Variants in CLSTN2 observed in about 807,000 individuals in gnomAD.
CLSTN2 encodes the protein calsyntenin 2.
Under a neutral mutation model 101.2 loss-of-function variants are expected in CLSTN2, and 48 were observed. That is an observed-to-expected ratio of 0.47 (90% CI 0.38 to 0.60). The LOEUF (loss-of-function observed/expected upper bound fraction) is 0.60, where lower values mean the gene tolerates loss of function less well. Among genes scored for constraint, CLSTN2 ranks in the 20% least tolerant of loss-of-function variants. The pLI is 0.00. For missense variants in CLSTN2, 1,160 were observed against 1,238.2 expected, an observed-to-expected ratio of 0.94 and a Z score of 0.95; for synonymous variants, 481 against 463.6, an observed-to-expected ratio of 1.04 and a Z score of -0.48.
intron 2 of CLSTN2, among the ~76,000 whole-genome samples, chr3:140,189,974 T>C (rs527919867): frequency 6.6e-6 from 1 of 152,280 alleles, no homozygotes; most frequent in Non-Finnish European, 1.5e-5. Context: ...AATACCAGCA[T>C]TGTTGATTTC....
chr3:140,110,330 G>A (rs2009133021), intron 1 of CLSTN2, among the ~76,000 whole-genome samples: 1 of 152,124 alleles, frequency 6.6e-6, no homozygotes, highest in African/African-American at 2.4e-5. Flanking sequence ...AAAGATCAGG[G>A]CATGAACTAC....
chr3:140,301,762 G>A (rs983999978), intron 2 of CLSTN2, among the ~76,000 whole-genome samples: 2 of 152,132 alleles, frequency 1.3e-5, no homozygotes, highest in African/African-American at 4.8e-5. Context: ...GGGAGACCAG[G>A]TACTCCTCCT....
chr3:140,247,871 C>T (rs995627113), intron 2 of CLSTN2, among the ~76,000 whole-genome samples: 2 of 152,202 alleles, frequency 1.3e-5, no homozygotes, highest in African/African-American at 4.8e-5. Flanking sequence ...TAAAGACTTT[C>T]CCTGCCTTCC....
rs1933536347 is a variant in CLSTN2, at chr3:140,460,608, T to C, written c.1222+839T>C. Among the ~76,000 whole-genome samples the C allele has an allele frequency of 3.3e-5, 5 of 152,190 alleles. No homozygotes were observed. The South Asian group carries it at 1.0e-3, about 32-fold the overall frequency. ...CATTCCTTAGAGGTTGACTAACTTG[T>C]CACAAGTAGTTATACAGACAGTATC... On this transcript the variant is annotated intron_variant, in intron 7 of 16. Transcript: ENST00000458420.
chr3:140,330,531 C>T (rs2087372738), intron 2 of CLSTN2, among the ~76,000 whole-genome samples: 1 of 152,210 alleles, frequency 6.6e-6, no homozygotes, highest in African/African-American at 2.4e-5. Context: ...CCTTTCAATG[C>T]TTCCTTGTCT....
At chr3:140,159,844 ATAT>A (rs892740902) in intron 1 of CLSTN2, among the ~76,000 whole-genome samples, 1 of 152,208 alleles carries the variant, frequency 6.6e-6, no homozygotes, top group African/African-American at 2.4e-5. Flanking sequence ...AAAAGGAACA[ATAT>A]TATATCCTTT....
At chr3:139,997,707 C>CATTTCAAATGTACATTTTCAAATAT (rs1560065496) in intron 1 of CLSTN2, among the ~76,000 whole-genome samples, 3 of 151,942 alleles carry the variant, frequency 2.0e-5, no homozygotes, top group Non-Finnish European at 4.4e-5. Flanking sequence ...CTTTCAAATA[C>CATTTCAAATGTACATTTTCAAATAT]ACATTTCAAA....
intron 8 of CLSTN2, among the ~76,000 whole-genome samples, chr3:140,520,699 A>G (rs2107773259): frequency 6.6e-6 from 1 of 152,270 alleles, no homozygotes; most frequent in East Asian, 1.9e-4. Flanking sequence ...CTGAATTTGA[A>G]TGTTTGCCTG....
intron 2 of CLSTN2, among the ~76,000 whole-genome samples, chr3:140,333,407 CA>C (rs532695464): frequency 1.3e-5 from 2 of 152,120 alleles, no homozygotes; most frequent in Non-Finnish European, 1.5e-5. Context: ...CTGAGAACCC[CA>C]AATCTAACAT....
intron 2 of CLSTN2, among the ~76,000 whole-genome samples, chr3:140,326,297 G>A (rs2087331757): frequency 6.6e-6 from 1 of 152,184 alleles, no homozygotes; most frequent in Non-Finnish European, 1.5e-5. Flanking sequence ...TACCAATAGG[G>A]AAGACTTCTG....
chr3:140,218,646 C>T (rs970194090), intron 2 of CLSTN2, among the ~76,000 whole-genome samples: 3 of 152,142 alleles, frequency 2.0e-5, no homozygotes, highest in Non-Finnish European at 4.4e-5. Context: ...ATACTGAGTA[C>T]GTCAAGCAAG....
At position 140,253,724 on chromosome 3, in the gene CLSTN2, T is replaced by C. The variant is rs560519501; in HGVS notation, c.232+77651T>C. Among the ~76,000 whole-genome samples, 7 of 152,260 alleles carry C rather than the reference T, an allele frequency of 4.6e-5. No individual in the cohort carries two copies. In the East Asian group the frequency reaches 1.4e-3, roughly 29 times the overall value. On this transcript the variant is annotated intron_variant, in intron 2 of 16. Coordinates refer to ENST00000458420, the MANE Select transcript of CLSTN2 (RefSeq NM_022131.3). ...CTGTTAATTATAATGAGATAGAAAG[T>C]TCAGGATCCCAGGAGACAGGAACCC...
At chr3:140,078,158 T>A (rs981764028) in intron 1 of CLSTN2, among the ~76,000 whole-genome samples, 1 of 152,166 alleles carries the variant, frequency 6.6e-6, no homozygotes, top group Non-Finnish European at 1.5e-5. Context: ...CCCTGCACCC[T>A]CTTTTGGATC....
At chr3:140,293,531 C>T (rs919823216) in intron 2 of CLSTN2, among the ~76,000 whole-genome samples, 1 of 152,104 alleles carries the variant, frequency 6.6e-6, no homozygotes, top group African/African-American at 2.4e-5. Flanking sequence ...AGGAATGTCC[C>T]ATGATGATCA....
chr3:140,554,873 G>A (rs1277197176), intron 10 of CLSTN2, among the ~76,000 whole-genome samples: 1 of 152,108 alleles, frequency 6.6e-6, no homozygotes, highest in Non-Finnish European at 1.5e-5. Flanking sequence ...GAAAAATAAA[G>A]TGTGATACAT....
intron 2 of CLSTN2, among the ~76,000 whole-genome samples, chr3:140,206,827 C>G (rs1486385718): frequency 6.6e-6 from 1 of 152,138 alleles, no homozygotes; most frequent in Non-Finnish European, 1.5e-5. Flanking sequence ...GAAGTGCTGT[C>G]CAGGGTCCTT....
intron 1 of CLSTN2, among the ~76,000 whole-genome samples, chr3:140,063,445 TC>T (rs1292845859): frequency 1.3e-5 from 2 of 152,114 alleles, no homozygotes; most frequent in African/African-American, 4.8e-5. Flanking sequence ...CTTTCTTCAC[TC>T]CGCGTCCATG....
In CLSTN2 at chr3:140,558,646, T is replaced by C. The variant is rs1339113362; in HGVS notation, c.1830T>C (p.Phe610=). 3 of 1,612,014 alleles carry C rather than the reference T, an allele frequency of 1.9e-6. No individual in the cohort carries two copies. The highest frequency in any genetic ancestry group is 1.7e-6 in the Non-Finnish European group (2 of 1,178,542). Residue 610 remains phenylalanine, a synonymous_variant, in exon 12 of 17, where the codon TTT becomes TTC. Transcript: ENST00000458420. ...RLKVSSKVQC[F]GEDVCISIPE... ...ACCGAGAATGTTTTCCCAGGTGCTT[T>C]GGGGAAGACGTATGCATCAGTATCC... is the stretch of plus-strand genomic sequence containing the variant.
intron 1 of CLSTN2, among the ~76,000 whole-genome samples, chr3:139,987,767 C>T (rs1936050902): frequency 6.6e-6 from 1 of 152,148 alleles, no homozygotes; most frequent in Non-Finnish European, 1.5e-5. Flanking sequence ...AGGCAAACAA[C>T]AAATCAAATT....
Sources: gnomAD v4.1 joint callset for allele counts (sites outside exome capture counted in the v4.1 genomes callset) on GRCh38, gnomAD v4.1.1 for gene constraint, MANE v1.5 for transcripts, NCBI Gene and HGNC (gene_info 2026-07-23, HGNC 2026-07-21) for gene names.